The following ALK variants were observed in gnomAD, a reference collection of about 807,000 sequenced individuals.
ALK encodes ALK receptor tyrosine kinase, also known as ALK tyrosine kinase receptor.
A neutral mutation model predicts 163.1 loss-of-function variants in ALK; 74 were observed. The observed-to-expected ratio is 0.45, with a 90% confidence interval of 0.38 to 0.55. The LOEUF (loss-of-function observed/expected upper bound fraction) is 0.55, where lower values mean the gene tolerates loss of function less well. Among genes scored for constraint, ALK ranks in the 20% least tolerant of loss-of-function variants. The pLI, the probability that ALK is intolerant of heterozygous loss-of-function variation, is 0.00. For synonymous variants in ALK, 960 were observed against 843.2 expected, an observed-to-expected ratio of 1.14 and a Z score of -2.40; for missense variants, 2,063 against 2,105.3, an observed-to-expected ratio of 0.98 and a Z score of 0.39.
At chr2:29,894,228 A>C (rs1667214914) in intron 1 of ALK, among the ~76,000 whole-genome samples, 1 of 152,094 alleles carries the variant, frequency 6.6e-6, no homozygotes, top group Non-Finnish European at 1.5e-5. Context: ...GGCTCATGGT[A>C]GCCCCCAGTG....
intron 4 of ALK, among the ~76,000 whole-genome samples, chr2:29,475,159 A>C (rs4233739): frequency 0.51 from 76,924 of 151,946 alleles, 20,537 homozygotes; most frequent in South Asian, 0.62. Context: ...ATGGAGAAGA[A>C]AGGCCAAGCA....
At chr2:29,762,817 A>C (rs746493657) in intron 1 of ALK, among the ~76,000 whole-genome samples, 1 of 152,172 alleles carries the variant, frequency 6.6e-6, no homozygotes, top group East Asian at 1.9e-4. Flanking sequence ...GGCTGGGCGC[A>C]GTGGCTCACG....
intron 1 of ALK, among the ~76,000 whole-genome samples, chr2:29,833,117 G>C (rs1299938823): frequency 6.6e-6 from 1 of 152,176 alleles, no homozygotes; most frequent in Admixed American, 6.5e-5. Context: ...AAGACCTCCG[G>C]ACTCCGGCCA....
intron 14 of ALK, among the ~76,000 whole-genome samples, chr2:29,232,993 G>A (rs1355135118): frequency 6.6e-6 from 1 of 152,196 alleles, no homozygotes. Context: ...TGGTCCAGGA[G>A]GGCACAGTGG....
intron 1 of ALK, among the ~76,000 whole-genome samples, chr2:29,754,075 C>T (rs1425963568): frequency 6.6e-6 from 1 of 152,140 alleles, no homozygotes; most frequent in African/African-American, 2.4e-5. Flanking sequence ...TTGGCTGGCC[C>T]CAAGCCACAA....
At position 29,570,535 on chromosome 2, in the gene ALK, C is replaced by A. The variant is rs903206311; in HGVS notation, c.953-38419G>T. ...GTGAGGGATTGTAAAGGTCAAACAG[C>A]CTGAGACACAGGGTCTCACCCTAAG... On this transcript the variant is annotated intron_variant, in intron 3 of 28. Coordinates refer to ENST00000389048, the MANE Select transcript of ALK (RefSeq NM_004304.5). Among the ~76,000 whole-genome samples the A allele has an allele frequency of 2.0e-5, 3 of 152,184 alleles. 1 individual carries two copies. Among genetic ancestry groups the A allele is most frequent in the Admixed American group, 6.5e-5 (1 of 15,276 alleles).
intron 3 of ALK, chr2:29,681,392 T>C (rs1242423518): frequency 1.3e-5 from 2 of 152,210 alleles, no homozygotes; most frequent in African/African-American, 4.8e-5. Flanking sequence ...CAAATGTTTT[T>C]ACAGATGATG....
intron 9 of ALK, among the ~76,000 whole-genome samples, chr2:29,296,044 G>C (rs1342163566): frequency 6.6e-6 from 1 of 152,180 alleles, no homozygotes; most frequent in Non-Finnish European, 1.5e-5. Context: ...GCTGACTGCA[G>C]GTGGCAGAAT....
At chr2:29,483,876 C>T (rs1362194527) in intron 4 of ALK, among the ~76,000 whole-genome samples, 6 of 152,122 alleles carry the variant, frequency 3.9e-5, no homozygotes, top group Admixed American at 3.3e-4. Flanking sequence ...TAAAGACATA[C>T]CCGAGACTGG....
Position 29,196,750 on chromosome 2 carries a change from A to G in ALK, c.4164+20T>C. 1 of 1,585,170 alleles carries G rather than the reference A, an allele frequency of 6.3e-7. No homozygotes were observed. The highest frequency in any genetic ancestry group is 1.1e-5 in the South Asian group (1 of 90,468). ...GTTTCATATAGAGTAAATGTTGACC[A>G]AAGGGAGAAAATGTTTTACCTGGGT... On this transcript the variant is annotated intron_variant, in intron 28 of 28. Coordinates refer to ENST00000389048, the MANE Select transcript of ALK (RefSeq NM_004304.5).
intron 3 of ALK, among the ~76,000 whole-genome samples, chr2:29,587,333 T>C (rs565271822): frequency 1.3e-5 from 2 of 152,316 alleles, no homozygotes; most frequent in East Asian, 3.9e-4. Context: ...CTTTCATGAC[T>C]GGCATAGGCT....
chr2:29,524,326 T>G (rs1672896972), intron 4 of ALK, among the ~76,000 whole-genome samples: 1 of 152,218 alleles, frequency 6.6e-6, no homozygotes, highest in Admixed American at 6.5e-5. Flanking sequence ...AGAGGAGTCC[T>G]CCTGAGAAGA....
At chr2:29,447,913 T>C (rs1670726667) in intron 4 of ALK, among the ~76,000 whole-genome samples, 1 of 152,226 alleles carries the variant, frequency 6.6e-6, no homozygotes, top group Non-Finnish European at 1.5e-5. Flanking sequence ...GAAAGGGATG[T>C]TGCCTTTGTT....
At chr2:29,352,473 T>A (rs1002706615) in intron 5 of ALK, among the ~76,000 whole-genome samples, 3 of 152,228 alleles carry the variant, frequency 2.0e-5, no homozygotes, top group Non-Finnish European at 4.4e-5. Flanking sequence ...ACGCCCAGAA[T>A]GTTCCATGCC....
intron 4 of ALK, among the ~76,000 whole-genome samples, chr2:29,490,894 G>A (rs1260688471): frequency 6.6e-6 from 1 of 152,166 alleles, no homozygotes; most frequent in Non-Finnish European, 1.5e-5. Context: ...TGCAACAGCT[G>A]TCATGTGATT....
rs1678509973 is a variant in ALK, at chr2:29,694,945, T to G, written c.857A>C (p.Gln286Pro). The G allele has an allele frequency of 6.2e-7, 1 of 1,614,034 alleles. No homozygotes were observed. Among genetic ancestry groups the G allele is most frequent in the African/African-American group, 1.3e-5 (1 of 74,950 alleles). ...YSPPLHDLRNQSWSWRRIPSE... is the reference protein window; with the variant it reads ...YSPPLHDLRNPSWSWRRIPSE... ...GGGGATGCGGCGCCAGGACCAGCTC[T>G]GGTTCCTGAGGTCATGCAGTGGAGG... The change falls in exon 3 of 29, where the codon CAG becomes CCG. Residue 286 changes from glutamine (Q) to proline (P), a missense_variant. This residue lies in a region of ALK where 987 missense variants were observed against 939.5 expected (regional missense o/e 1.05). Coordinates refer to ENST00000389048, the MANE Select transcript of ALK (RefSeq NM_004304.5).
At chr2:29,709,771 T>C (rs1408251066) in intron 2 of ALK, among the ~76,000 whole-genome samples, 1 of 152,186 alleles carries the variant, frequency 6.6e-6, no homozygotes, top group Non-Finnish European at 1.5e-5. Flanking sequence ...GGAAGCTCTA[T>C]TAAATCCAAG....
At chr2:29,613,619 A>G (rs1358139053) in intron 3 of ALK, among the ~76,000 whole-genome samples, 5 of 152,208 alleles carry the variant, frequency 3.3e-5, no homozygotes, top group Non-Finnish European at 5.9e-5. Context: ...TCACACATCT[A>G]TATCTCTTTC....
At chr2:29,677,528 T>A (rs1677920883) in intron 3 of ALK, among the ~76,000 whole-genome samples, 1 of 152,022 alleles carries the variant, frequency 6.6e-6, no homozygotes, top group Non-Finnish European at 1.5e-5. Flanking sequence ...TTTCTGTGTT[T>A]ATTGAGATAG....
Sources: gnomAD v4.1 joint callset for allele counts (sites outside exome capture counted in the v4.1 genomes callset) on GRCh38, gnomAD v4.1.1 for gene constraint, gnomAD v4.1.1 regional missense constraint, MANE v1.5 for transcripts, NCBI Gene and HGNC (gene_info 2026-07-23, HGNC 2026-07-21) for gene names.